Variants in C17orf78 observed in about 807,000 individuals in gnomAD.
C17orf78 encodes the protein uncharacterized protein C17orf78.
In C17orf78, 27 loss-of-function variants were observed where a neutral mutation model predicts 31.8. That is an observed-to-expected ratio of 0.85 (90% confidence interval 0.63 to 1.17). The LOEUF is 1.17. Ranked by LOEUF, C17orf78 falls within the 50% of genes most tolerant of loss-of-function variation. The pLI, the probability that C17orf78 is intolerant of heterozygous loss-of-function variation, is 0.00. For missense variants in C17orf78, 258 were observed against 315.2 expected (o/e 0.82, Z 1.37); for synonymous variants, 106 against 115.1 (o/e 0.92, Z 0.51).
intron 3 of C17orf78, among the ~76,000 whole-genome samples, chr17:37,382,729 G>A (rs559000261): frequency 6.6e-5 from 10 of 152,176 alleles, no homozygotes; most frequent in Middle Eastern, 3.4e-3. Context: ...GCATGGTGGC[G>A]TGTGCCTGTA....
intron 3 of C17orf78, among the ~76,000 whole-genome samples, chr17:37,381,920 C>G (rs750849884): frequency 6.6e-6 from 1 of 152,152 alleles, no homozygotes; most frequent in Non-Finnish European, 1.5e-5. Context: ...AGCCACTGCA[C>G]CCGGCCATGT....
chr17:37,390,828 T>C (rs2050850888), intron 6 of C17orf78, among the ~76,000 whole-genome samples: 1 of 151,770 alleles, frequency 6.6e-6, no homozygotes, highest in Non-Finnish European at 1.5e-5. Context: ...CTCCTGAACA[T>C]TGGAAGAAAT....
At chr17:37,383,380 C>T (rs924706407) in intron 3 of C17orf78, among the ~76,000 whole-genome samples, 3 of 152,118 alleles carry the variant, frequency 2.0e-5, no homozygotes, top group Non-Finnish European at 4.4e-5. Context: ...AGAAACTCTT[C>T]CTCTTTCCTT....
At chr17:37,382,825 A>G (rs1568084011) in intron 3 of C17orf78, among the ~76,000 whole-genome samples, 1 of 152,140 alleles carries the variant, frequency 6.6e-6, no homozygotes, top group African/African-American at 2.4e-5. Flanking sequence ...ACGCCACTGC[A>G]CTCCAGCCTG....
intron 2 of C17orf78, among the ~76,000 whole-genome samples, 153 bp downstream of exon 2, chr17:37,378,118 TTTAAA>T (rs569527589): frequency 1.8e-3 from 267 of 152,306 alleles, no homozygotes; most frequent in Middle Eastern, 3.4e-3. Context: ...GAAACCAATC[TTTAAA>T]TTAACTGTCA....
chr17:37,377,358 C>G (rs1197818132), intron 1 of C17orf78, among the ~76,000 whole-genome samples: 1 of 152,068 alleles, frequency 6.6e-6, no homozygotes, highest in Non-Finnish European at 1.5e-5. Flanking sequence ...ATGTATTTGG[C>G]TGGGTGTTCT....
intron 6 of C17orf78, among the ~76,000 whole-genome samples, chr17:37,389,715 C>A (rs77079163): frequency 6.6e-6 from 1 of 151,254 alleles, no homozygotes; most frequent in East Asian, 1.9e-4. Flanking sequence ...AAAAGAAAAA[C>A]AGAAAATGGG....
At chr17:37,376,502 T>A (rs2050008287) in intron 1 of C17orf78, among the ~76,000 whole-genome samples, 2 of 152,238 alleles carry the variant, frequency 1.3e-5, no homozygotes, top group Admixed American at 1.3e-4. Context: ...TTGCCTTTTT[T>A]AAGTTGGTAC....
rs2050134052 is a variant in C17orf78 at position 37,379,139 on chromosome 17, ACT to A, written c.150_151del (p.Thr52ArgfsTer22). ...CTATCTGGTTCTTCTCCTTCCAGAA[ACT>A]CACACAGAAACCAAAAGGACAACAT... is the stretch of plus-strand genomic sequence containing the variant. ...RSIRELQMQE[T>X]HTETKRTTFI... On this transcript the variant is annotated frameshift_variant, in exon 3 of 7. Transcript: ENST00000615133. LOFTEE classifies it high-confidence loss of function. 1 of 1,611,178 alleles carries A rather than the reference ACT, an allele frequency of 6.2e-7. No homozygotes were observed. Among genetic ancestry groups the A allele is most frequent in the Admixed American group, 1.7e-5 (1 of 59,382 alleles).
intron 3 of C17orf78, among the ~76,000 whole-genome samples, chr17:37,385,465 C>G (rs1020250542): frequency 1.3e-5 from 2 of 151,560 alleles, no homozygotes; most frequent in Non-Finnish European, 2.9e-5. Flanking sequence ...AGAGGGGGAC[C>G]CTGTCTTAAA....
chr17:37,390,120 T>C (rs2050727870), intron 6 of C17orf78, among the ~76,000 whole-genome samples: 1 of 77,552 alleles, frequency 1.3e-5, no homozygotes, highest in Non-Finnish European at 2.3e-5. Flanking sequence ...AGCGAGACAC[T>C]GTCTCTATTA....
chr17:37,380,877 T>C (rs1477515807), intron 3 of C17orf78, among the ~76,000 whole-genome samples: 1 of 151,296 alleles, frequency 6.6e-6, no homozygotes, highest in African/African-American at 2.4e-5. Context: ...ATTACAGGCG[T>C]GAGCCACCGT....
intron 3 of C17orf78, among the ~76,000 whole-genome samples, chr17:37,382,764 A>G (rs1310552343): frequency 1.3e-5 from 2 of 152,246 alleles, no homozygotes; most frequent in African/African-American, 2.4e-5. Flanking sequence ...GGAGGCTGAG[A>G]CAGAAGAATA....
intron 3 of C17orf78, among the ~76,000 whole-genome samples, chr17:37,381,016 T>A (rs1167540624): frequency 6.6e-6 from 1 of 152,100 alleles, no homozygotes; most frequent in Middle Eastern, 3.4e-3. Flanking sequence ...CAGTTCTCTA[T>A]CCCTGATGGA....
chr17:37,377,994 A>T lies in C17orf78; in HGVS notation c.145+29A>T, dbSNP rs549420465. On this transcript the variant is annotated intron_variant, in intron 2 of 6. Coordinates refer to ENST00000615133, the MANE Select transcript of C17orf78 (RefSeq NM_173625.5). Reference sequence around the variant, plus strand: ...GGGAATGGGTCCTTTCTGGAAAATGATATTGCCATTCCAAAAAATTTTTAC... The same window carrying T: ...GGGAATGGGTCCTTTCTGGAAAATGTTATTGCCATTCCAAAAAATTTTTAC... The T allele has an allele frequency of 3.7e-6, 6 of 1,601,620 alleles. No individual in the cohort carries two copies. In the East Asian group the frequency reaches 1.1e-4, roughly 30 times the overall value.
chr17:37,388,763 T>G lies in C17orf78; in HGVS notation c.602T>G (p.Ile201Arg). The G allele has an allele frequency of 6.2e-7, 1 of 1,613,196 alleles. No individual in the cohort carries two copies. The highest frequency in any genetic ancestry group is 1.1e-5 in the South Asian group (1 of 90,834). The change falls in exon 5 of 7, where the codon ATA becomes AGA. Residue 201 changes from isoleucine to arginine, a missense_variant. By Grantham distance (97) the Ile-to-Arg change is moderately conservative. Transcript: ENST00000615133. ...CTGTTGCTCAGTGGAGTTGCCATTA[T>G]AGTATTTGTAATTTTTGAAGTCCCA... is the stretch of plus-strand genomic sequence containing the variant. ...VTLLLSGVAIIVFVIFEVPCP... is the reference protein window; with the variant it reads ...VTLLLSGVAIRVFVIFEVPCP...
At position 37,391,789 on chromosome 17, in the gene C17orf78, C is replaced by A; in HGVS notation, c.*65C>A. 7.3e-7 allele frequency: 1 copy of A among 1,368,232 alleles called. No individual in the cohort carries two copies. 84.8% of individuals were successfully genotyped at this position (1,368,232 alleles called of 1,614,324 possible). On this transcript the variant is annotated 3_prime_UTR_variant, in exon 7 of 7. Coordinates refer to ENST00000615133, the MANE Select transcript of C17orf78 (RefSeq NM_173625.5). Reference sequence around the variant, plus strand: ...AGTCCTCTCCCTATTAATATGGGCACATTCTTGCCAATTTCACACTTGTAT... The same window carrying A: ...AGTCCTCTCCCTATTAATATGGGCAAATTCTTGCCAATTTCACACTTGTAT...
chr17:37,376,190 G>C (rs752564406), intron 1 of C17orf78, 40 bp downstream of exon 1: 10 of 1,543,328 alleles, frequency 6.5e-6, no homozygotes, highest in South Asian at 1.1e-5. Flanking sequence ...AAAATACAGA[G>C]AGAGGCCTAG....
intron 4 of C17orf78, among the ~76,000 whole-genome samples, 153 bp downstream of exon 4, chr17:37,386,278 CAATT>C (rs2050525530): frequency 6.6e-6 from 1 of 152,022 alleles, no homozygotes; most frequent in Non-Finnish European, 1.5e-5. Context: ...AAAAATCATT[CAATT>C]TTTTATTTTA....
Sources: gnomAD v4.1 joint callset for allele counts (sites outside exome capture counted in the v4.1 genomes callset) on GRCh38, gnomAD v4.1.1 for gene constraint, MANE v1.5 for transcripts, NCBI Gene and HGNC (gene_info 2026-07-23, HGNC 2026-07-21) for gene names.